DNAI4: variants seen among roughly 807,000 people sequenced by gnomAD.
DNAI4 encodes the protein dynein axonemal intermediate chain 4.
Under a neutral mutation model 105.8 loss-of-function variants are expected in DNAI4, and 85 were observed. The observed-to-expected ratio is 0.80, with a 90% CI of 0.67 to 0.96. DNAI4 has a LOEUF of 0.96. DNAI4 is among the 40% of genes least tolerant of loss of function. The pLI is 0.00. For missense variants in DNAI4, 1,014 were observed against 1,005.6 expected, an observed-to-expected ratio of 1.01 and a Z score of -0.11; for synonymous variants, 352 against 331.5, an observed-to-expected ratio of 1.06 and a Z score of -0.67.
At chr1:66,897,824 A>G (rs556458142) in intron 2 of DNAI4, among the ~76,000 whole-genome samples, 100 of 152,338 alleles carry the variant, frequency 6.6e-4, no homozygotes, top group Non-Finnish European at 1.3e-3. Context: ...CAATGGATGT[A>G]TCAGATGGCC....
intron 8 of DNAI4, 37 bp from the exon 9 acceptor site, chr1:66,840,708 A>T (rs1557914060): frequency 6.2e-7 from 1 of 1,607,890 alleles, no homozygotes; most frequent in Non-Finnish European, 8.5e-7. Context: ...ATTGTCCTCT[A>T]CATCTATAGG....
intron 6 of DNAI4, among the ~76,000 whole-genome samples, chr1:66,869,073 AAAATAAAT>A (rs547848121): frequency 2.4e-4 from 36 of 148,670 alleles, no homozygotes; most frequent in South Asian, 8.4e-4. Flanking sequence ...ACTCTGTCTC[AAAATAAAT>A]AAATAAATAA....
At chr1:66,905,516 C>G in intron 1 of DNAI4, 141 bp from the exon 2 acceptor site, 1 of 511,458 alleles carries the variant, frequency 2.0e-6, no homozygotes, top group Non-Finnish European at 3.1e-6. Flanking sequence ...TATTTGAAAT[C>G]TTATTATGTA....
At chr1:66,913,229 C>G (rs1649792002) in intron 1 of DNAI4, among the ~76,000 whole-genome samples, 1 of 152,088 alleles carries the variant, frequency 6.6e-6, no homozygotes, top group Non-Finnish European at 1.5e-5. Flanking sequence ...ACCAGCTGGT[C>G]TTAATTTCTC....
chr1:66,885,861 A>G (rs569594008), intron 4 of DNAI4, among the ~76,000 whole-genome samples: 1 of 152,114 alleles, frequency 6.6e-6, no homozygotes, highest in South Asian at 2.1e-4. Flanking sequence ...TTTGATATTT[A>G]TCTTGCTTGG....
chr1:66,850,959 A>C (rs979239213), intron 7 of DNAI4, among the ~76,000 whole-genome samples: 1 of 152,032 alleles, frequency 6.6e-6, no homozygotes, highest in African/African-American at 2.4e-5. Context: ...AGATAGAATA[A>C]GCAGAAAAGA....
At chr1:66,909,047 C>T (rs1159330455) in intron 1 of DNAI4, among the ~76,000 whole-genome samples, 4 of 152,092 alleles carry the variant, frequency 2.6e-5, no homozygotes, top group Admixed American at 6.6e-5. Flanking sequence ...TACCAGATTC[C>T]ATTTTTCTGC....
chr1:66,899,613 G>A (rs145662411), intron 2 of DNAI4, among the ~76,000 whole-genome samples: 131 of 152,054 alleles, frequency 8.6e-4, no homozygotes, highest in African/African-American at 2.9e-3. Flanking sequence ...CTTTTGTTAC[G>A]TATGCTTTCA....
chr1:66,877,530 TAG>T (rs1452675487), intron 4 of DNAI4, among the ~76,000 whole-genome samples: 77 of 152,298 alleles, frequency 5.1e-4, no homozygotes, highest in Non-Finnish European at 4.3e-4. Context: ...TAAGAATAAT[TAG>T]AGTTTCTGTA....
intron 6 of DNAI4, among the ~76,000 whole-genome samples, chr1:66,867,764 T>G (rs2100639590): frequency 6.6e-6 from 1 of 152,282 alleles, no homozygotes; most frequent in East Asian, 1.9e-4. Context: ...TGACTATTTG[T>G]TTTTGAATCC....
intron 3 of DNAI4, 85 bp downstream of exon 3, chr1:66,893,144 T>G (rs1232500527): frequency 1.5e-6 from 1 of 655,182 alleles, no homozygotes; most frequent in Admixed American, 3.3e-5. Flanking sequence ...TGGAGACAAC[T>G]GATATCTAAG....
At position 66,813,240 on chromosome 1, in the gene DNAI4, A is replaced by T. The variant is rs2100263540; in HGVS notation, c.*890T>A. ...CTTAGAATGCTTTATAGAACAGCCC[A>T]TCATGTCCTGTGGCCTCAGTTTAAC... On this transcript the variant is annotated 3_prime_UTR_variant, in exon 17 of 17. Transcript: ENST00000371026. The T allele has an allele frequency of 2.0e-5, 3 of 152,418 alleles. No individual in the cohort carries two copies. The South Asian group carries it at 6.2e-4, about 32-fold the overall frequency. 9.4% of individuals were successfully genotyped at this position (152,418 alleles called of 1,614,324 possible). A position where few individuals can be genotyped will look rare whatever the true frequency, so the allele number is the denominator to read the frequency against.
At chr1:66,814,832 G>A (rs7550905) in intron 16 of DNAI4, among the ~76,000 whole-genome samples, 19,747 of 152,044 alleles carry the variant, frequency 0.13, 1,510 homozygotes, top group East Asian at 0.24. Flanking sequence ...ATCTATTAAT[G>A]TTTGACTTAG....
At chr1:66,849,167 AC>A (rs1646341817) in intron 7 of DNAI4, among the ~76,000 whole-genome samples, 1 of 152,224 alleles carries the variant, frequency 6.6e-6, no homozygotes, top group East Asian at 1.9e-4. Flanking sequence ...AAGAGTCAAA[AC>A]TTTTATCACT....
chr1:66,845,169 T>C (rs926482464), intron 8 of DNAI4, among the ~76,000 whole-genome samples: 29 of 92,370 alleles, frequency 3.1e-4, no homozygotes, highest in African/African-American at 1.1e-3. Context: ...CCAGCCTGGG[T>C]GACAGAGCGA....
intron 4 of DNAI4, among the ~76,000 whole-genome samples, chr1:66,884,592 T>C (rs1451047645): frequency 6.6e-6 from 1 of 152,106 alleles, no homozygotes. Context: ...GGTGGATGAG[T>C]TTTTTCAATG....
intron 8 of DNAI4, among the ~76,000 whole-genome samples, chr1:66,840,877 G>A (rs1409012217): frequency 6.6e-6 from 1 of 152,192 alleles, no homozygotes; most frequent in Non-Finnish European, 1.5e-5. Flanking sequence ...CTCAAAGCCA[G>A]CAGCTTTTCT....
intron 8 of DNAI4, 105 bp downstream of exon 8, chr1:66,847,379 G>A: frequency 9.2e-7 from 1 of 1,090,286 alleles, no homozygotes; most frequent in Non-Finnish European, 1.3e-6. Flanking sequence ...CTACAACCTT[G>A]AACTCCTGGG....
intron 4 of DNAI4, among the ~76,000 whole-genome samples, chr1:66,877,594 A>G (rs188016372): frequency 6.6e-6 from 1 of 152,298 alleles, no homozygotes; most frequent in Non-Finnish European, 1.5e-5. Context: ...TACATTTAGT[A>G]CAACTACAAT....
Sources: gnomAD v4.1 joint callset for allele counts (sites outside exome capture counted in the v4.1 genomes callset) on GRCh38, gnomAD v4.1.1 for gene constraint, MANE v1.5 for transcripts, NCBI Gene and HGNC (gene_info 2026-07-23, HGNC 2026-07-21) for gene names.